The following BNC2 variants were observed in gnomAD, a reference collection of about 807,000 sequenced individuals.
BNC2 encodes the protein basonuclin zinc finger protein 2, also known as zinc finger protein basonuclin-2.
Under a neutral mutation model 76.3 loss-of-function variants are expected in BNC2, and 20 were observed. The ratio of observed to expected loss-of-function variants is 0.26; its 90% CI spans 0.18 to 0.38. The LOEUF is 0.38. Among genes scored for constraint, BNC2 ranks in the 10% least tolerant of loss-of-function variants. The probability of loss-of-function intolerance (pLI) is 1.00; values close to 1 mark genes in which losing one functional copy is unlikely to be tolerated. For missense variants in BNC2, 1,382 were observed against 1,399.8 expected, an observed-to-expected ratio of 0.99 and a Z score of 0.20; for synonymous variants, 582 against 514.8, an observed-to-expected ratio of 1.13 and a Z score of -1.77.
At chr9:16,470,695 A>G (rs1231867057) in intron 5 of BNC2, among the ~76,000 whole-genome samples, 1 of 152,240 alleles carries the variant, frequency 6.6e-6, no homozygotes. Context: ...CAGCTTCTAC[A>G]TGGCGTTCTG....
chr9:16,588,180 A>G (rs1475963229), intron 3 of BNC2, among the ~76,000 whole-genome samples: 1 of 152,216 alleles, frequency 6.6e-6, no homozygotes, highest in Non-Finnish European at 1.5e-5. Flanking sequence ...AAGAAAAAGT[A>G]AGTGTTAACC....
intron 1 of BNC2, among the ~76,000 whole-genome samples, chr9:16,828,248 A>G (rs1388782293): frequency 6.6e-6 from 1 of 152,268 alleles, no homozygotes; most frequent in African/African-American, 2.4e-5. Flanking sequence ...CACAGGTTCA[A>G]ATAAATTTGT....
chr9:16,609,071 T>C (rs1820465114), intron 3 of BNC2, among the ~76,000 whole-genome samples: 1 of 152,090 alleles, frequency 6.6e-6, no homozygotes. Flanking sequence ...ACATGGGCTG[T>C]TTGAATGAAA....
chr9:16,703,419 A>C (rs1279417211), intron 3 of BNC2, among the ~76,000 whole-genome samples: 1 of 152,128 alleles, frequency 6.6e-6, no homozygotes, highest in Non-Finnish European at 1.5e-5. Flanking sequence ...CAAATCACTA[A>C]AAAAACTATC....
At chr9:16,520,979 G>A (rs1240434265) in intron 5 of BNC2, among the ~76,000 whole-genome samples, 2 of 152,130 alleles carry the variant, frequency 1.3e-5, no homozygotes, top group African/African-American at 4.8e-5. Context: ...TTTTACTCCA[G>A]CTTCTCATCA....
chr9:16,659,386 G>GATCAGGAGGTCAGGAGATTGAGACC (rs1260200299), intron 3 of BNC2, among the ~76,000 whole-genome samples: 1 of 152,072 alleles, frequency 6.6e-6, no homozygotes, highest in African/African-American at 2.4e-5. Context: ...GAGGTGGGCA[G>GATCAGGAGGTCAGGAGATTGAGACC]ATCAGGAGGT....
chr9:16,468,102 A>AC lies in BNC2; in HGVS notation c.670-30579dup, dbSNP rs1352241696. On this transcript the variant is annotated intron_variant, in intron 5 of 6. Coordinates refer to ENST00000380672, the MANE Select transcript of BNC2 (RefSeq NM_017637.6). ...GTCACCCAGGCTGGAGTGCAGTGGC[A>AC]CCAACATGGCTCACTGCAGCCTTGA... 2.1e-5 allele frequency among the ~76,000 whole-genome samples: 3 copies of AC among 140,160 alleles called. No homozygotes were observed. The Admixed American group carries it at 2.3e-4, about 11-fold the overall frequency. 92.0% of individuals were successfully genotyped at this position (140,160 alleles called of 152,430 possible).
At chr9:16,582,890 CAG>C (rs1819663876) in intron 4 of BNC2, 91 bp downstream of exon 4, 2 of 910,614 alleles carry the variant, frequency 2.2e-6, no homozygotes, top group Admixed American at 2.0e-5. Flanking sequence ...CTCCTCTAAA[CAG>C]ACACACACAC....
At position 16,536,932 on chromosome 9, in the gene BNC2, C is replaced by A. The variant is rs186543354; in HGVS notation, c.669+15598G>T. Among the ~76,000 whole-genome samples, 15 of 152,174 alleles carry A rather than the reference C, an allele frequency of 9.9e-5. No homozygotes were observed. In the East Asian group the frequency reaches 2.9e-3, roughly 29 times the overall value. ...TTAGTTCGGCTATATAGAGGCAATT[C>A]CTTCCATTTAGTATATTACTTTTAT... On this transcript the variant is annotated intron_variant, in intron 5 of 6. Coordinates refer to ENST00000380672, the MANE Select transcript of BNC2 (RefSeq NM_017637.6).
At chr9:16,671,233 A>G (rs79181375) in intron 3 of BNC2, among the ~76,000 whole-genome samples, 2 of 152,260 alleles carry the variant, frequency 1.3e-5, no homozygotes, top group African/African-American at 4.8e-5. Context: ...AACTGTTTAC[A>G]TAAGGGCCCA....
Position 16,485,870 on chromosome 9 carries a change from C to G in BNC2, c.670-48346G>C, listed in dbSNP as rs570790968. On this transcript the variant is annotated intron_variant, in intron 5 of 6. Transcript: ENST00000380672. The stretch of plus-strand genomic sequence containing the variant: ...GCAGTCCACAACCCTTCTCAATCCC[C>G]CATTTGTACCCCCAAGGGTACAAAT... 2.0e-5 allele frequency among the ~76,000 whole-genome samples: 3 copies of G among 152,276 alleles called. No homozygotes were observed. In the South Asian group the frequency reaches 6.2e-4, roughly 32 times the overall value.
At chr9:16,863,968 T>C (rs1337586624) in intron 1 of BNC2, among the ~76,000 whole-genome samples, 1 of 152,176 alleles carries the variant, frequency 6.6e-6, no homozygotes, top group Non-Finnish European at 1.5e-5. Flanking sequence ...ACAAATGTAT[T>C]ATAATGTACC....
chr9:16,608,922 A>G (rs1306385797), intron 3 of BNC2, among the ~76,000 whole-genome samples: 1 of 152,202 alleles, frequency 6.6e-6, no homozygotes, highest in Non-Finnish European at 1.5e-5. Context: ...TCCATATTTT[A>G]TAATGTTTTT....
chr9:16,471,577 C>T (rs1821826628), intron 5 of BNC2, among the ~76,000 whole-genome samples: 1 of 152,194 alleles, frequency 6.6e-6, no homozygotes, highest in African/African-American at 2.4e-5. Context: ...CAGGCGTGAG[C>T]CACTGCACCC....
intron 1 of BNC2, among the ~76,000 whole-genome samples, chr9:16,857,059 T>C (rs1290916040): frequency 1.3e-5 from 2 of 152,186 alleles, no homozygotes; most frequent in Non-Finnish European, 2.9e-5. Flanking sequence ...AAATACATCA[T>C]AAAAAATAGA....
At chr9:16,809,235 G>C (rs988526685) in intron 1 of BNC2, among the ~76,000 whole-genome samples, 4 of 152,100 alleles carry the variant, frequency 2.6e-5, no homozygotes, top group African/African-American at 7.2e-5. Context: ...AATGAGATAA[G>C]AGCCAAAAAC....
chr9:16,725,855 GC>G (rs1177301474), intron 3 of BNC2, among the ~76,000 whole-genome samples: 7 of 152,144 alleles, frequency 4.6e-5, no homozygotes, highest in Non-Finnish European at 8.8e-5. Flanking sequence ...TTGGAAATGG[GC>G]TAGTGCCAAA....
intron 6 of BNC2, among the ~76,000 whole-genome samples, chr9:16,433,155 C>G (rs983972205): frequency 4.6e-5 from 7 of 152,264 alleles, no homozygotes; most frequent in African/African-American, 1.7e-4. Flanking sequence ...TAGACTCAAC[C>G]AAGATGAACA....
chr9:16,685,421 G>T (rs1021600476), intron 3 of BNC2: 2 of 467,550 alleles, frequency 4.3e-6, no homozygotes, highest in African/African-American at 4.0e-5. Context: ...CGCTACACTG[G>T]TTCCTCTTTA....
Sources: allele counts gnomAD v4.1 joint callset (sites outside exome capture counted in the v4.1 genomes callset), GRCh38; gene constraint gnomAD v4.1.1; transcripts MANE v1.5; gene names NCBI Gene and HGNC (gene_info 2026-07-23, HGNC 2026-07-21).